Variants in HIVEP2 observed in about 807,000 individuals in gnomAD.
The protein encoded by HIVEP2 is transcription factor HIVEP2.
A neutral mutation model predicts 180.7 loss-of-function variants in HIVEP2; 14 were observed. That is an observed-to-expected ratio of 0.08 (90% CI 0.05 to 0.12). The LOEUF (loss-of-function observed/expected upper bound fraction) is 0.12. Ranked by LOEUF, HIVEP2 falls within the 10% of genes least tolerant of loss-of-function variation. HIVEP2 has a pLI of 1.00. For missense variants in HIVEP2, 2,579 were observed against 3,008.5 expected (o/e 0.86, Z 3.34); for synonymous variants, 1,184 against 1,136.4 (o/e 1.04, Z -0.84).
intron 2 of HIVEP2, among the ~76,000 whole-genome samples, chr6:142,828,991 G>C (rs1429075425): frequency 6.6e-6 from 1 of 151,632 alleles, no homozygotes; most frequent in Non-Finnish European, 1.5e-5. Context: ...TCCTATTATG[G>C]TCATCCTAGT....
intron 1 of HIVEP2, among the ~76,000 whole-genome samples, chr6:142,850,045 T>C (rs986550094): frequency 2.0e-5 from 3 of 152,104 alleles, no homozygotes; most frequent in Non-Finnish European, 4.4e-5. Flanking sequence ...GTCACTGAAT[T>C]TCAAAATTAA....
chr6:142,770,433 C>T lies in HIVEP2; in HGVS notation c.4306G>A (p.Gly1436Arg). Residue 1436 changes from glycine (G) to arginine (R), a missense_variant, in exon 5 of 10, where the codon GGA becomes AGA. Gly to Arg is a moderately radical substitution (Grantham distance 125). Around this residue, in one of 11 missense-constraint regions of HIVEP2, gnomAD observed 29 missense variants for 64.7 expected, o/e 0.45. Transcript: ENST00000367603. This position sits in a 1 kb window ranked among gnomAD's most constrained non-coding sequence, Gnocchi z 4.7. The part of the protein sequence containing the change: ...PSTSDSVATL[G>R]GSKRMLSPAS... Reference sequence around the variant, plus strand: ...GGAGAAAGCATTCGCTTGCTACCTCCCAGGGTGGCCACGCTGTCAGAGGTG... The same window carrying T: ...GGAGAAAGCATTCGCTTGCTACCTCTCAGGGTGGCCACGCTGTCAGAGGTG... The T allele has an allele frequency of 6.2e-7, 1 of 1,614,092 alleles. No homozygotes were observed. Among genetic ancestry groups the T allele is most frequent in the Non-Finnish European group, 8.5e-7 (1 of 1,179,998 alleles).
chr6:142,936,580 T>C (rs1047157420), intron 1 of HIVEP2, among the ~76,000 whole-genome samples: 2 of 152,126 alleles, frequency 1.3e-5, no homozygotes, highest in Non-Finnish European at 2.9e-5. Flanking sequence ...GCTATAATAT[T>C]TAGGTGTCAA....
intron 7 of HIVEP2, among the ~76,000 whole-genome samples, chr6:142,761,980 T>G (rs1413424189): frequency 6.6e-6 from 1 of 152,158 alleles, no homozygotes; most frequent in Non-Finnish European, 1.5e-5. Context: ...GAATGAAATA[T>G]TCTCAACACA....
At chr6:142,933,702 T>A (rs1777989726) in intron 1 of HIVEP2, among the ~76,000 whole-genome samples, 1 of 152,208 alleles carries the variant, frequency 6.6e-6, no homozygotes, top group South Asian at 2.1e-4. Flanking sequence ...GACTTGGACT[T>A]TGTCCATTAG....
chr6:142,865,567 G>A (rs1322929435), intron 1 of HIVEP2, among the ~76,000 whole-genome samples: 1 of 152,004 alleles, frequency 6.6e-6, no homozygotes, highest in Non-Finnish European at 1.5e-5. Flanking sequence ...CTTCTCTCTT[G>A]TAGTTTAATT....
At chr6:142,785,874 T>C (rs539578868) in intron 2 of HIVEP2, among the ~76,000 whole-genome samples, 5 of 152,372 alleles carry the variant, frequency 3.3e-5, no homozygotes, top group Admixed American at 2.6e-4. Context: ...ATGGTAATCA[T>C]GTTATACTTA....
intron 1 of HIVEP2, among the ~76,000 whole-genome samples, chr6:142,891,954 C>A (rs1220451245): frequency 6.6e-6 from 1 of 152,042 alleles, no homozygotes. Context: ...CCCATTTATT[C>A]TTTGATCTTT....
chr6:142,941,867 G>A (rs1196221236), intron 1 of HIVEP2, among the ~76,000 whole-genome samples: 2 of 152,130 alleles, frequency 1.3e-5, no homozygotes, highest in African/African-American at 2.4e-5. Context: ...ACTGTGAACC[G>A]TTTCTCCACC....
At chr6:142,754,151 T>C (rs1262385897) in intron 9 of HIVEP2, among the ~76,000 whole-genome samples, 1 of 152,188 alleles carries the variant, frequency 6.6e-6, no homozygotes, top group Non-Finnish European at 1.5e-5. Flanking sequence ...GAAAAGTTGC[T>C]TTTGTTTTTA....
At chr6:142,785,942 T>C (rs1317792794) in intron 2 of HIVEP2, among the ~76,000 whole-genome samples, 1 of 152,210 alleles carries the variant, frequency 6.6e-6, no homozygotes, top group Non-Finnish European at 1.5e-5. Flanking sequence ...ATGCAAATAA[T>C]ATTAGCATGA....
chr6:142,819,424 C>T (rs866042529), intron 2 of HIVEP2, among the ~76,000 whole-genome samples: 4 of 152,216 alleles, frequency 2.6e-5, no homozygotes, highest in African/African-American at 9.6e-5. Context: ...AAGCAAGAAT[C>T]TACAAACTTC....
At chr6:142,828,026 C>CTATAT (rs1774960152) in intron 2 of HIVEP2, among the ~76,000 whole-genome samples, 1 of 152,210 alleles carries the variant, frequency 6.6e-6, no homozygotes, top group Non-Finnish European at 1.5e-5. Flanking sequence ...ACTGAAACCT[C>CTATAT]TTCAAATTCA....
rs777497986 is a variant in HIVEP2 at position 142,773,853 on chromosome 6, T to C, written c.886A>G (p.Ser296Gly). Residue 296 changes from serine (S) to glycine (G), a missense_variant, in exon 5 of 10, where the codon AGT (serine) becomes GGT (glycine). Around this residue, in one of 11 missense-constraint regions of HIVEP2, gnomAD observed 142 missense variants for 135.2 expected, o/e 1.05. Transcript: ENST00000367603. ...TCCAGTGGGATGGGTGGACCAGGACTCATTTTGTCAGAAGCCTCGGCAAAT... is the reference window on the plus strand; with the variant it reads ...TCCAGTGGGATGGGTGGACCAGGACCCATTTTGTCAGAAGCCTCGGCAAAT... ...SLFAEASDKM[S>G]PGPPIPLDIA... 57 of 1,613,478 alleles carry C rather than the reference T, an allele frequency of 3.5e-5. No homozygotes were observed. The highest frequency in any genetic ancestry group is 4.7e-5 in the Non-Finnish European group (55 of 1,180,036).
At position 142,799,685 on chromosome 6, in the gene HIVEP2, G is replaced by A. The variant is rs532646296; in HGVS notation, c.-527-16070C>T. Among the ~76,000 whole-genome samples, 7 of 152,258 alleles carry A rather than the reference G, an allele frequency of 4.6e-5. No individual in the cohort carries two copies. The South Asian group carries it at 1.4e-3, about 32-fold the overall frequency. ...TATTGAAGTCCCAAACATCAGAGTTGTCAACTAACTTCTATAATGCTATCT... is the reference window on the plus strand; with the variant it reads ...TATTGAAGTCCCAAACATCAGAGTTATCAACTAACTTCTATAATGCTATCT... On this transcript the variant is annotated intron_variant, in intron 2 of 9. Transcript: ENST00000367603.
intron 2 of HIVEP2, among the ~76,000 whole-genome samples, chr6:142,789,630 C>T (rs1214183172): frequency 6.6e-6 from 1 of 152,198 alleles, no homozygotes; most frequent in Non-Finnish European, 1.5e-5. Context: ...ACCCACAGCT[C>T]ATTATGATAG....
At chr6:142,777,164 G>A (rs776699809) in intron 3 of HIVEP2, among the ~76,000 whole-genome samples, 1 of 152,120 alleles carries the variant, frequency 6.6e-6, no homozygotes, top group Non-Finnish European at 1.5e-5. Context: ...AAATTCCACT[G>A]CTGGAAATAT....
In HIVEP2 at chr6:142,798,710, G is replaced by A. The variant is rs188005533; in HGVS notation, c.-527-15095C>T. On this transcript the variant is annotated intron_variant, in intron 2 of 9. Transcript: ENST00000367603. ...TGATTGATGAAGTACATAGTCTTTC[G>A]AGTGAAGACAGAACTGAGTCCCAAT... 7.2e-5 allele frequency among the ~76,000 whole-genome samples: 11 copies of A among 152,256 alleles called. 2 individuals are homozygous for A. Among genetic ancestry groups the A allele is most frequent in the African/African-American group, 2.6e-4 (11 of 41,574 alleles).
chr6:142,809,680 G>A (rs1444158228), intron 2 of HIVEP2, among the ~76,000 whole-genome samples: 1 of 152,024 alleles, frequency 6.6e-6, no homozygotes, highest in Non-Finnish European at 1.5e-5. Flanking sequence ...TGTAACCTCT[G>A]CCTCCCTAGT....
Sources: gnomAD v4.1 joint callset for allele counts (sites outside exome capture counted in the v4.1 genomes callset) on GRCh38, gnomAD v4.1.1 for gene constraint, gnomAD v4.1.1 regional missense constraint, Gnocchi (gnomAD v3.1) non-coding constraint, MANE v1.5 for transcripts, NCBI Gene and HGNC (gene_info 2026-07-23, HGNC 2026-07-21) for gene names.